The following LIPK variants were observed in gnomAD, a reference collection of about 807,000 sequenced individuals.
LIPK encodes the protein lipase member K.
LIPK carries 32 observed loss-of-function variants against 48.6 expected under a neutral mutation model. The ratio of observed to expected loss-of-function variants is 0.66; its 90% CI spans 0.50 to 0.88. LIPK has a LOEUF of 0.88. Among genes scored for constraint, LIPK ranks in the 40% least tolerant of loss-of-function variants. The pLI, the probability that LIPK is intolerant of heterozygous loss-of-function variation, is 0.00. For missense variants in LIPK, 507 were observed against 478.5 expected, an observed-to-expected ratio of 1.06 and a Z score of -0.56; for synonymous variants, 164 against 157.4, an observed-to-expected ratio of 1.04 and a Z score of -0.32.
intron 8 of LIPK, among the ~76,000 whole-genome samples, chr10:88,742,148 G>C (rs1321259100): frequency 6.6e-6 from 1 of 152,136 alleles, no homozygotes; most frequent in African/African-American, 2.4e-5. Flanking sequence ...ACAGCAAAGG[G>C]GAAGTCCGCC....
intron 2 of LIPK, among the ~76,000 whole-genome samples, chr10:88,725,741 C>A (rs955566672): frequency 2.0e-5 from 3 of 152,184 alleles, no homozygotes; most frequent in African/African-American, 7.2e-5. Context: ...TAAACCTCTA[C>A]GCAGAAGATA....
intron 8 of LIPK, among the ~76,000 whole-genome samples, chr10:88,742,854 G>A (rs774113385): frequency 2.0e-5 from 3 of 152,064 alleles, no homozygotes; most frequent in Non-Finnish European, 4.4e-5. Context: ...AATAACAATA[G>A]CAGTAATTTT....
chr10:88,737,665 C>T lies in LIPK; in HGVS notation c.700C>T (p.His234Tyr), dbSNP rs1221256553. 2.5e-6 allele frequency: 4 copies of T among 1,613,808 alleles called. No individual in the cohort carries two copies. The highest frequency in any genetic ancestry group is 1.1e-5 in the South Asian group (1 of 91,080). The stretch of plus-strand genomic sequence containing the variant: ...GTTTGGTGACAAAATGTTCCACCCT[C>T]ATACATTGTTTGACCAATTCATTGC... ...VLFGDKMFHP[H>Y]TLFDQFIATK... Residue 234 changes from histidine (H) to tyrosine (Y), a missense_variant, in exon 7 of 10, where the codon CAT becomes TAT. Physicochemically the swap from His to Tyr is moderately conservative, Grantham distance 83 (BLOSUM62 2). Coordinates refer to ENST00000404190, the MANE Select transcript of LIPK (RefSeq NM_001080518.2).
chr10:88,738,511 A>G (rs1192075027), intron 7 of LIPK, among the ~76,000 whole-genome samples: 1 of 152,252 alleles, frequency 6.6e-6, no homozygotes, highest in African/African-American at 2.4e-5. Flanking sequence ...AAGGCTTTTT[A>G]TGCAAAACAT....
chr10:88,726,691 T>C, intron 2 of LIPK, 104 bp from the exon 3 acceptor site: 1 of 689,408 alleles, frequency 1.5e-6, no homozygotes, highest in Non-Finnish European at 2.5e-6. Flanking sequence ...GAGACCCGTC[T>C]CAAACAAACA....
intron 1 of LIPK, among the ~76,000 whole-genome samples, chr10:88,711,364 C>T (rs1842023346): frequency 6.6e-6 from 1 of 152,072 alleles, no homozygotes; most frequent in South Asian, 2.1e-4. Context: ...TACCTAGTTA[C>T]CCTTTGTGTG....
chr10:88,729,195 G>C (rs945078423), intron 3 of LIPK, among the ~76,000 whole-genome samples: 3 of 120,826 alleles, frequency 2.5e-5, no homozygotes, highest in Admixed American at 1.2e-4. Flanking sequence ...TCAGTTCTGT[G>C]CTTAAACTTC....
At chr10:88,736,365 A>T (rs1184459636) in intron 6 of LIPK, among the ~76,000 whole-genome samples, 2 of 152,190 alleles carry the variant, frequency 1.3e-5, no homozygotes, top group Admixed American at 6.5e-5. Context: ...TCACTAGGAC[A>T]CTTAGATAAT....
chr10:88,726,020 T>C (rs1265371145), intron 2 of LIPK, among the ~76,000 whole-genome samples: 1 of 152,194 alleles, frequency 6.6e-6, no homozygotes, highest in Non-Finnish European at 1.5e-5. Flanking sequence ...TTAGACAAGC[T>C]GTCTTCCTCA....
rs140714045 is a variant in LIPK, at chr10:88,715,972, G to A, written c.-11-8561G>A. ...ACAATTGACTTGTATATTTGATCTA[G>A]TGAGAGAACTAGTCTTGTATGAGTT... On this transcript the variant is annotated intron_variant, in intron 1 of 9. Transcript: ENST00000404190. 3.0e-4 allele frequency among the ~76,000 whole-genome samples: 45 copies of A among 152,188 alleles called. 4 individuals are homozygous for A. The East Asian group carries it at 8.7e-3, about 29-fold the overall frequency.
At chr10:88,740,811 C>A (rs895828492) in intron 8 of LIPK, among the ~76,000 whole-genome samples, 2 of 151,892 alleles carry the variant, frequency 1.3e-5, no homozygotes, top group South Asian at 2.1e-4. Context: ...ATCTGAGACC[C>A]CCCCCCAACC....
At chr10:88,743,972 G>C (rs753903911) in intron 9 of LIPK, among the ~76,000 whole-genome samples, 4 of 152,218 alleles carry the variant, frequency 2.6e-5, no homozygotes, top group Non-Finnish European at 5.9e-5. Context: ...AAGCCCAAAG[G>C]GTTTGGTGCA....
In LIPK at chr10:88,732,223, T is replaced by A. The variant is rs1371215173; in HGVS notation, c.468T>A (p.Phe156Leu). The A allele has an allele frequency of 3.1e-6, 5 of 1,613,636 alleles. No homozygotes were observed. In the African/African-American group the frequency reaches 6.7e-5, roughly 22 times the overall value. ...AKYDLPATIN[F>L]IIEKTGQKRL... ...ATGACCTTCCAGCCACAATCAATTT[T>A]ATCATAGAGAAAACTGGACAGAAGC... The change falls in exon 5 of 10, where the codon TTT becomes TTA. Residue 156 changes from phenylalanine (F) to leucine (L), a missense_variant. Phe to Leu is a conservative substitution (Grantham distance 22). Coordinates refer to ENST00000404190, the MANE Select transcript of LIPK (RefSeq NM_001080518.2).
At chr10:88,723,270 C>A (rs556743584) in intron 1 of LIPK, among the ~76,000 whole-genome samples, 2 of 151,810 alleles carry the variant, frequency 1.3e-5, no homozygotes, top group Non-Finnish European at 2.9e-5. Flanking sequence ...AATAGGTGCT[C>A]AATACATAGT....
intron 1 of LIPK, among the ~76,000 whole-genome samples, chr10:88,713,434 GA>G (rs1776056646): frequency 6.6e-6 from 1 of 151,070 alleles, no homozygotes; most frequent in African/African-American, 2.4e-5. Flanking sequence ...CTGGCGACTA[GA>G]AAAAAAGAGG....
intron 7 of LIPK, among the ~76,000 whole-genome samples, chr10:88,739,081 G>A (rs1842629757): frequency 6.6e-6 from 1 of 152,182 alleles, no homozygotes; most frequent in South Asian, 2.1e-4. Flanking sequence ...GAAAATATGA[G>A]AGAATCAAGA....
chr10:88,715,745 C>CTCTT (rs974032382), intron 1 of LIPK, among the ~76,000 whole-genome samples: 26 of 150,668 alleles, frequency 1.7e-4, no homozygotes, highest in Admixed American at 1.1e-3. Context: ...CTTTCTGTTT[C>CTCTT]TCTTTCTTTC....
At chr10:88,748,530 T>C (rs753293556) in intron 9 of LIPK, among the ~76,000 whole-genome samples, 7 of 150,596 alleles carry the variant, frequency 4.6e-5, no homozygotes, top group Non-Finnish European at 7.4e-5. Flanking sequence ...GGCACCAGAA[T>C]AGCTTAAACC....
At chr10:88,746,858 A>T (rs1336860798) in intron 9 of LIPK, among the ~76,000 whole-genome samples, 1 of 152,166 alleles carries the variant, frequency 6.6e-6, no homozygotes, top group Non-Finnish European at 1.5e-5. Context: ...AATAAAATTG[A>T]TAGACTGCTA....
Sources: gnomAD v4.1 joint callset for allele counts (sites outside exome capture counted in the v4.1 genomes callset) on GRCh38, gnomAD v4.1.1 for gene constraint, MANE v1.5 for transcripts, NCBI Gene and HGNC (gene_info 2026-07-23, HGNC 2026-07-21) for gene names.